ZC3HAV1L: variants seen among roughly 807,000 people sequenced by gnomAD.
ZC3HAV1L encodes ZC3HAV1 like.
Under a neutral mutation model 28.2 loss-of-function variants are expected in ZC3HAV1L, and 23 were observed. The observed-to-expected ratio is 0.82, with a 90% confidence interval of 0.59 to 1.16. The LOEUF (loss-of-function observed/expected upper bound fraction) is 1.16. Among genes scored for constraint, ZC3HAV1L ranks in the 50% most tolerant of loss-of-function variants. The pLI is 0.00. For missense variants in ZC3HAV1L, 376 were observed against 387.7 expected, an observed-to-expected ratio of 0.97 and a Z score of 0.25; for synonymous variants, 180 against 163.4, an observed-to-expected ratio of 1.10 and a Z score of -0.78.
chr7:139,035,485 G>A, intron 1 of ZC3HAV1L, 168 bp downstream of exon 1: 1 of 985,430 alleles, frequency 1.0e-6, no homozygotes, highest in Admixed American at 6.1e-5. Flanking sequence ...CCAGCTGCTG[G>A]AAGCGCGGGG....
downstream of ZC3HAV1L, among the ~76,000 whole-genome samples, chr7:139,022,050 AAAAG>A (rs1261035064): frequency 8.5e-5 from 13 of 152,162 alleles, no homozygotes; most frequent in African/African-American, 3.1e-4. Flanking sequence ...AACCTAGACA[AAAAG>A]AAGAACCAAG....
Position 139,026,472 on chromosome 7 carries a change from C to T in ZC3HAV1L, c.*72G>A. 6.3e-7 allele frequency: 1 copy of T among 1,595,978 alleles called. No homozygotes were observed. Among genetic ancestry groups the T allele is most frequent in the Non-Finnish European group, 8.5e-7 (1 of 1,173,384 alleles). ...TAGCCTCTCTTTGCCTGTTCAATGT[C>T]CCACCCCATCCCCAACCACCCATGC... On this transcript the variant is annotated 3_prime_UTR_variant, in exon 5 of 5. Coordinates refer to ENST00000275766, the MANE Select transcript of ZC3HAV1L (RefSeq NM_080660.4).
At position 139,034,652 on chromosome 7, in the gene ZC3HAV1L, A is replaced by C; in HGVS notation, c.392T>G (p.Ile131Ser). The C allele has an allele frequency of 6.2e-7, 1 of 1,613,916 alleles. No individual in the cohort carries two copies. The highest frequency in any genetic ancestry group is 1.7e-4 in the Middle Eastern group (1 of 6,058). Residue 131 changes from isoleucine to serine, a missense_variant, in exon 2 of 5, where the codon ATC becomes AGC. Physicochemically the swap from Ile to Ser is moderately radical, Grantham distance 142. Coordinates refer to ENST00000275766, the MANE Select transcript of ZC3HAV1L (RefSeq NM_080660.4). ...CWSTCTLSHDIHTPVNMQVLK... is the reference protein window; with the variant it reads ...CWSTCTLSHDSHTPVNMQVLK... ...GACCTGCATGTTGACAGGTGTGTGGATATCATGGGAAAGGGTACAGGTAGA... is the reference window on the plus strand; with the variant it reads ...GACCTGCATGTTGACAGGTGTGTGGCTATCATGGGAAAGGGTACAGGTAGA...
At chr7:139,024,132 G>A (rs942172605), downstream of ZC3HAV1L, among the ~76,000 whole-genome samples, 3 of 152,078 alleles carry the variant, frequency 2.0e-5, no homozygotes, top group East Asian at 1.9e-4. Flanking sequence ...CAAAAACCCC[G>A]ATAAATTACC....
At chr7:139,029,108 T>C (rs1408607947) in intron 2 of ZC3HAV1L, 148 bp from the exon 3 acceptor site, 1 of 916,408 alleles carries the variant, frequency 1.1e-6, no homozygotes, top group Non-Finnish European at 1.6e-6. Context: ...GTTCAAGCAA[T>C]TCTCCTGCCT....
intron 1 of ZC3HAV1L, 158 bp downstream of exon 1, chr7:139,035,495 G>T: frequency 2.0e-6 from 2 of 985,426 alleles, no homozygotes; most frequent in Non-Finnish European, 2.4e-6. Context: ...GAAGCGCGGG[G>T]GAGGACGCCC....
chr7:139,035,835 C>A lies in ZC3HAV1L; in HGVS notation c.183G>T (p.Gly61=). ...LQEVETQEGL[G]DAEAEAAAGA... is the part of the protein sequence containing the mutation. ...CGGCCGCCGCCTCGGCCTCCGCGTCCCCGAGGCCCTCCTGCGTCTCCACCT... is the reference window on the plus strand; with the variant it reads ...CGGCCGCCGCCTCGGCCTCCGCGTCACCGAGGCCCTCCTGCGTCTCCACCT... Residue 61 remains glycine (G), a synonymous_variant, in exon 1 of 5, where the codon GGG becomes GGT. Coordinates refer to ENST00000275766, the MANE Select transcript of ZC3HAV1L (RefSeq NM_080660.4). The A allele has an allele frequency of 6.7e-7, 1 of 1,491,332 alleles. No individual in the cohort carries two copies. The highest frequency in any genetic ancestry group is 8.9e-7 in the Non-Finnish European group (1 of 1,128,954). The allele number at this position is 1,491,332 out of a possible 1,614,324, so 92.4% of individuals were successfully genotyped here. A position where few individuals can be genotyped will look rare whatever the true frequency, so the allele number is the denominator to read the frequency against.
downstream of ZC3HAV1L, chr7:139,022,541 T>C: frequency 5.1e-6 from 1 of 195,626 alleles, no homozygotes. Context: ...TGAGACCCTG[T>C]CTCAAAAAAA....
At chr7:139,035,630 C>T (rs1229461262) in intron 1 of ZC3HAV1L, 23 bp downstream of exon 1, 1 of 1,387,050 alleles carries the variant, frequency 7.2e-7, no homozygotes, top group African/African-American at 1.5e-5. Context: ...GCCCACAGTC[C>T]CCGCCCGCCG....
chr7:139,023,436 G>C (rs966597168), downstream of ZC3HAV1L, among the ~76,000 whole-genome samples: 1 of 152,180 alleles, frequency 6.6e-6, no homozygotes, highest in Non-Finnish European at 1.5e-5. Context: ...GTCCCTTTTA[G>C]ATGGGACAGT....
intron 2 of ZC3HAV1L, among the ~76,000 whole-genome samples, chr7:139,030,830 ATAAT>A (rs60141592): frequency 0.12 from 5,837 of 49,934 alleles, 194 homozygotes; most frequent in South Asian, 0.31. Flanking sequence ...AAAAATAATA[ATAAT>A]TAATTAATTA....
intron 2 of ZC3HAV1L, 108 bp from the exon 3 acceptor site, chr7:139,029,068 T>C: frequency 7.5e-7 from 1 of 1,334,090 alleles, no homozygotes; most frequent in South Asian, 1.5e-5. Flanking sequence ...AGTGGCACCA[T>C]CTTGGCTCAC....
intron 1 of ZC3HAV1L, chr7:139,035,193 C>A: frequency 1.0e-6 from 1 of 985,336 alleles, no homozygotes. Context: ...ACTGGCTCAG[C>A]GCTGTTAAAC....
chr7:139,033,959 A>G (rs1037569544), intron 2 of ZC3HAV1L: 1 of 985,394 alleles, frequency 1.0e-6, no homozygotes, highest in Non-Finnish European at 1.2e-6. Context: ...ACTTGGCTTC[A>G]GTGCTCGAAG....
downstream of ZC3HAV1L, among the ~76,000 whole-genome samples, chr7:139,021,506 AAATG>A (rs1815247419): frequency 6.6e-6 from 1 of 152,196 alleles, no homozygotes; most frequent in Non-Finnish European, 1.5e-5. Flanking sequence ...CATAAAATAT[AAATG>A]AATTTTATTT....
chr7:139,025,477 G>T (rs906574250), downstream of ZC3HAV1L, among the ~76,000 whole-genome samples: 1 of 151,324 alleles, frequency 6.6e-6, no homozygotes, highest in Non-Finnish European at 1.5e-5. Flanking sequence ...TAGACAGAGT[G>T]AGGTAGAAGT....
chr7:139,035,472 C>G (rs1171956918), intron 1 of ZC3HAV1L, 181 bp downstream of exon 1: 1 of 985,384 alleles, frequency 1.0e-6, no homozygotes, highest in East Asian at 1.1e-4. Flanking sequence ...CGCGCCTTTC[C>G]GCCCAGCTGC....
intron 3 of ZC3HAV1L, 67 bp downstream of exon 3, chr7:139,028,635 T>G: frequency 6.5e-7 from 1 of 1,549,778 alleles, no homozygotes; most frequent in Non-Finnish European, 8.7e-7. Context: ...CTGTTCTTAC[T>G]TCTTCACAGT....
At chr7:139,035,462 C>T (rs1284487426) in intron 1 of ZC3HAV1L, 191 bp downstream of exon 1, 14 of 985,414 alleles carry the variant, frequency 1.4e-5, no homozygotes, top group Non-Finnish European at 1.6e-5. Context: ...AGAGGACCTT[C>T]GCGCCTTTCC....
Sources: allele counts gnomAD v4.1 joint callset (sites outside exome capture counted in the v4.1 genomes callset), GRCh38; gene constraint gnomAD v4.1.1; transcripts MANE v1.5; gene names NCBI Gene and HGNC (gene_info 2026-07-23, HGNC 2026-07-21).